The following RNF126 variants were observed in gnomAD, a reference collection of about 807,000 sequenced individuals.
RNF126 encodes the protein E3 ubiquitin-protein ligase RNF126.
Under a neutral mutation model 41.9 loss-of-function variants are expected in RNF126, and 20 were observed. That is an observed-to-expected ratio of 0.48 (90% CI 0.34 to 0.69). The LOEUF (loss-of-function observed/expected upper bound fraction) is 0.69. Among genes scored for constraint, RNF126 ranks in the 30% least tolerant of loss-of-function variants. RNF126 has a pLI of 0.01. For synonymous variants in RNF126, 239 were observed against 202.9 expected, an observed-to-expected ratio of 1.18 and a Z score of -1.51; for missense variants, 433 against 460.6, an observed-to-expected ratio of 0.94 and a Z score of 0.55.
At position 647,968 on chromosome 19, in the gene RNF126, C is replaced by G; in HGVS notation, c.*160G>C. On this transcript the variant is annotated 3_prime_UTR_variant, in exon 9 of 9. Transcript: ENST00000292363. ...GCCCACGCCTTCCCAAGCCAGGGGG[C>G]CGGTGGGCCGGGCCCGGGTCCTGCC... The G allele has an allele frequency of 1.1e-6, 1 of 888,016 alleles. No individual in the cohort carries two copies. The allele number at this position is 888,016 out of a possible 1,614,324, so 55.0% of individuals were successfully genotyped here.
rs2030878304 is a variant in RNF126, at chr19:663,027, C to T, written c.75+20G>A. ...CTGCGGCGCAGACCCTGCCGCCCGC[C>T]GCCCCGGCCCGGGCCTCACCGGCAG... On this transcript the variant is annotated intron_variant, in intron 1 of 8. Coordinates refer to ENST00000292363, the MANE Select transcript of RNF126 (RefSeq NM_194460.3). The T allele has an allele frequency of 1.5e-6, 2 of 1,318,808 alleles. No individual in the cohort carries two copies. The highest frequency in any genetic ancestry group is 6.9e-5 in the Admixed American group (2 of 29,052). 81.7% of individuals were successfully genotyped at this position (1,318,808 alleles called of 1,614,324 possible).
intron 5 of RNF126, among the ~76,000 whole-genome samples, chr19:649,993 C>A (rs2030194703): frequency 6.8e-6 from 1 of 146,344 alleles, no homozygotes; most frequent in South Asian, 2.2e-4. Flanking sequence ...CAGGCACCCC[C>A]ACCCACTCAC....
In RNF126 at chr19:652,306, G is replaced by C. The variant is rs887705176; in HGVS notation, c.135-10C>G. ...ACCATTTTCTGTGCTCCTGGGGAGA[G>C]AGTGCAGGTCAGCAGTGCCGGCTAC... On this transcript the variant is annotated splice_polypyrimidine_tract_variant and intron_variant, in intron 2 of 8. Coordinates refer to ENST00000292363, the MANE Select transcript of RNF126 (RefSeq NM_194460.3). 6 of 1,557,086 alleles carry C rather than the reference G, an allele frequency of 3.9e-6. No homozygotes were observed. The highest frequency in any genetic ancestry group is 2.7e-5 in the African/African-American group (2 of 73,130).
rs185637142 is a variant in RNF126 at position 648,696 on chromosome 19, C to T, written c.670+186G>A. On this transcript the variant is annotated intron_variant, in intron 7 of 8. Coordinates refer to ENST00000292363, the MANE Select transcript of RNF126 (RefSeq NM_194460.3). ...TCAGGGAAATGCTCGAGGCCGGGTGCGGTGGCTCACGCCTGTCATCCCAGC... is the reference window on the plus strand; with the variant it reads ...TCAGGGAAATGCTCGAGGCCGGGTGTGGTGGCTCACGCCTGTCATCCCAGC... 2.5e-4 allele frequency among the ~76,000 whole-genome samples: 38 copies of T among 151,852 alleles called. No individual in the cohort carries two copies. In the East Asian group the frequency reaches 5.2e-3, roughly 21 times the overall value.
At chr19:651,919 G>A in intron 3 of RNF126, 64 bp from the exon 4 acceptor site, 1 of 1,460,850 alleles carries the variant, frequency 6.8e-7, no homozygotes, top group East Asian at 2.4e-5. Flanking sequence ...GGGGGCGCTA[G>A]GGCACAAAGA....
Position 663,122 on chromosome 19 carries a change from G to GGCC in RNF126, c.-4_-2dup, listed in dbSNP as rs1310454985. ...CGGGATGCGGCGACGCCTCGGCCAT[G>GGCC]GCCGCCGCCACCTACTCCGCGCCGC... On this transcript the variant is annotated 5_prime_UTR_variant, in exon 1 of 9. Coordinates refer to ENST00000292363, the MANE Select transcript of RNF126 (RefSeq NM_194460.3). The GGCC allele has an allele frequency of 3.1e-6, 4 of 1,289,938 alleles. No individual in the cohort carries two copies. The highest frequency in any genetic ancestry group is 6.9e-5 in the East Asian group (2 of 29,006). 79.9% of individuals were successfully genotyped at this position (1,289,938 alleles called of 1,614,324 possible).
chr19:652,581 G>A (rs1264723446), intron 2 of RNF126: 7 of 605,622 alleles, frequency 1.2e-5, no homozygotes, highest in Non-Finnish European at 1.7e-5. Context: ...CACCAGATTA[G>A]CCGCCGAGGC....
chr19:658,294 C>A (rs998086726), intron 1 of RNF126, among the ~76,000 whole-genome samples: 2 of 152,116 alleles, frequency 1.3e-5, no homozygotes, highest in African/African-American at 4.8e-5. Context: ...GGCGCATGTC[C>A]TGAGGGCCCA....
At chr19:648,812 T>C in intron 7 of RNF126, 70 bp downstream of exon 7, 3 of 931,134 alleles carry the variant, frequency 3.2e-6, no homozygotes, top group Middle Eastern at 3.4e-4. Context: ...CTACTGAAAA[T>C]ACAAGTATGA....
chr19:651,708 G>T lies in RNF126; in HGVS notation c.346C>A (p.His116Asn). Residue 116 changes from histidine (H) to asparagine (N), a missense_variant, in exon 4 of 9, where the codon CAT (histidine) becomes AAT (asparagine). This residue lies in a region of RNF126 where 247 missense variants were observed against 224.7 expected (regional missense o/e 1.10). Coordinates refer to ENST00000292363, the MANE Select transcript of RNF126 (RefSeq NM_194460.3). ...RDPESRRERD[H>N]PSRHRYGARQ... ...GCGCCGTACCGGTGCCGGGACGGAT[G>T]GTCTCTCTCCCGCCGGCTCTCAGGG... 1 of 1,607,890 alleles carries T rather than the reference G, an allele frequency of 6.2e-7. No homozygotes were observed.
chr19:652,148 G>A (rs970998308), intron 3 of RNF126, 85 bp downstream of exon 3: 18 of 1,152,890 alleles, frequency 1.6e-5, no homozygotes, highest in Admixed American at 9.9e-5. Flanking sequence ...AGGGAGAGCC[G>A]GGGAGGCGAG....
chr19:661,572 CCTCT>C (rs754020768), intron 1 of RNF126, among the ~76,000 whole-genome samples: 7 of 152,152 alleles, frequency 4.6e-5, no homozygotes, highest in Non-Finnish European at 7.4e-5. Flanking sequence ...GGAAACCACA[CCTCT>C]CTCTTTCCAC....
rs1352917539 is a variant in RNF126 at position 649,716 on chromosome 19, G to C, written c.539C>G (p.Ala180Gly). ...GGCATCCAGGCCGTTGGCCCCCCAG[G>C]CGTAGTCCATAGGGTTTGAGTGCAG... ...GVLHSNPMDY[A>G]WGANGLDAII... Residue 180 changes from alanine to glycine, a missense_variant, in exon 6 of 9, where the codon GCC (alanine) becomes GGC (glycine). Physicochemically the swap from Ala to Gly is moderately conservative, Grantham distance 60. This residue lies in a region of RNF126 where 97 missense variants were observed against 121.7 expected (regional missense o/e 0.80). Coordinates refer to ENST00000292363, the MANE Select transcript of RNF126 (RefSeq NM_194460.3). 1 of 1,571,510 alleles carries C rather than the reference G, an allele frequency of 6.4e-7. No individual in the cohort carries two copies. Among genetic ancestry groups the C allele is most frequent in the Non-Finnish European group, 8.6e-7 (1 of 1,156,470 alleles).
At chr19:657,573 C>T (rs1319841979) in intron 1 of RNF126, among the ~76,000 whole-genome samples, 2 of 152,202 alleles carry the variant, frequency 1.3e-5, no homozygotes, top group African/African-American at 2.4e-5. Context: ...GCTGCTGGAA[C>T]GCCCACCCTA....
intron 1 of RNF126, among the ~76,000 whole-genome samples, chr19:658,666 C>A (rs899871698): frequency 1.3e-5 from 2 of 152,202 alleles, no homozygotes; most frequent in Non-Finnish European, 2.9e-5. Context: ...GGGCCCCACG[C>A]ACCACACACT....
chr19:651,340 C>A (rs113168582), intron 4 of RNF126: 2 of 334,918 alleles, frequency 6.0e-6, no homozygotes, highest in African/African-American at 2.2e-5. Context: ...TTTGACGACA[C>A]GCGTGTGGAC....
chr19:653,813 G>A (rs918606087), intron 1 of RNF126, among the ~76,000 whole-genome samples: 2 of 152,242 alleles, frequency 1.3e-5, no homozygotes, highest in South Asian at 4.1e-4. Flanking sequence ...TCGCAGCAAC[G>A]TGAAAATGGC....
chr19:656,667 G>A (rs2030573428), intron 1 of RNF126, among the ~76,000 whole-genome samples: 1 of 152,008 alleles, frequency 6.6e-6, no homozygotes, highest in African/African-American at 2.4e-5. Context: ...AAGAAAAAGG[G>A]AAAGGGGAAG....
chr19:648,001 A>C lies in RNF126; in HGVS notation c.*127T>G. 2.6e-6 allele frequency: 3 copies of C among 1,160,790 alleles called. No homozygotes were observed. Among genetic ancestry groups the C allele is most frequent in the Non-Finnish European group, 3.5e-6 (3 of 848,924 alleles). The allele number at this position is 1,160,790 out of a possible 1,614,324, so 71.9% of individuals were successfully genotyped here. A position where few individuals can be genotyped will look rare whatever the true frequency, so the allele number is the denominator to read the frequency against. On this transcript the variant is annotated 3_prime_UTR_variant, in exon 9 of 9. Coordinates refer to ENST00000292363, the MANE Select transcript of RNF126 (RefSeq NM_194460.3). Reference sequence around the variant, plus strand: ...CCGGGCCCGGGTCCTGCCCTGGAACAGGCGGGACCTGCAGCGCTGACCAGC... The same window carrying C: ...CCGGGCCCGGGTCCTGCCCTGGAACCGGCGGGACCTGCAGCGCTGACCAGC...
Sources: allele counts gnomAD v4.1 joint callset (sites outside exome capture counted in the v4.1 genomes callset), GRCh38; gene constraint gnomAD v4.1.1; regional missense constraint gnomAD v4.1.1; transcripts MANE v1.5; gene names NCBI Gene and HGNC (gene_info 2026-07-23, HGNC 2026-07-21).